The following MOV10L1 variants were observed in gnomAD, a reference collection of about 807,000 sequenced individuals.
MOV10L1 encodes the protein Mov10 like RNA helicase 1.
In MOV10L1, 110 loss-of-function variants were observed where a neutral mutation model predicts 143.8. The ratio of observed to expected loss-of-function variants is 0.76; its 90% confidence interval spans 0.66 to 0.90. The LOEUF is 0.90. Among genes scored for constraint, MOV10L1 ranks in the 40% least tolerant of loss-of-function variants. The pLI, the probability that MOV10L1 is intolerant of heterozygous loss-of-function variation, is 0.00. For missense variants in MOV10L1, 1,406 were observed against 1,526.8 expected (o/e 0.92, Z 1.32); for synonymous variants, 593 against 581.1 (o/e 1.02, Z -0.29).
At chr22:50,102,660 G>C (rs893558656) in intron 3 of MOV10L1, among the ~76,000 whole-genome samples, 5 of 152,184 alleles carry the variant, frequency 3.3e-5, no homozygotes, top group African/African-American at 1.2e-4. Flanking sequence ...CCAGCACTTT[G>C]GGAGGCTGAG....
intron 19 of MOV10L1, among the ~76,000 whole-genome samples, chr22:50,146,457 A>G (rs1240846958): frequency 6.6e-6 from 1 of 151,554 alleles, no homozygotes; most frequent in East Asian, 1.9e-4. Flanking sequence ...GCACTCTCAG[A>G]CCCCAGTGCA....
intron 22 of MOV10L1, among the ~76,000 whole-genome samples, chr22:50,157,761 C>CA (rs35212822): frequency 0.023 from 2,804 of 120,242 alleles, 105 homozygotes; most frequent in African/African-American, 0.085. Flanking sequence ...GGTCTAATAT[C>CA]AAAAAAAAAA....
intron 3 of MOV10L1, among the ~76,000 whole-genome samples, chr22:50,102,882 C>T (rs1324379480): frequency 2.6e-5 from 4 of 151,768 alleles, no homozygotes; most frequent in Non-Finnish European, 5.9e-5. Flanking sequence ...GCCTGGGCGA[C>T]AGAGCAAAAC....
intron 3 of MOV10L1, among the ~76,000 whole-genome samples, chr22:50,100,194 G>C (rs1402516933): frequency 1.3e-5 from 2 of 151,972 alleles, no homozygotes; most frequent in East Asian, 1.9e-4. Flanking sequence ...GGTTTCATCA[G>C]GTTGGCCGGG....
intron 17 of MOV10L1, 142 bp from the exon 18 acceptor site, chr22:50,143,955 A>G: frequency 9.3e-7 from 1 of 1,073,198 alleles, no homozygotes; most frequent in Non-Finnish European, 1.4e-6. Flanking sequence ...GTCGTGGCCC[A>G]GGTCTCAGTG....
intron 15 of MOV10L1, among the ~76,000 whole-genome samples, chr22:50,141,152 G>A (rs1304285432): frequency 6.6e-6 from 1 of 151,978 alleles, no homozygotes; most frequent in East Asian, 1.9e-4. Context: ...CCGGGTTCAA[G>A]CTATTCTCCT....
At chr22:50,139,425 TAGAC>T (rs1460927241) in intron 15 of MOV10L1, among the ~76,000 whole-genome samples, 1 of 151,888 alleles carries the variant, frequency 6.6e-6, no homozygotes, top group East Asian at 1.9e-4. Context: ...AAGACATTGT[TAGAC>T]AGTAAGGTAC....
In MOV10L1 at chr22:50,114,381, G is replaced by A; in HGVS notation, c.885G>A (p.Glu295=). ...GRSKTMVIWI[E]NKGDIPQNLV... Reference sequence around the variant, plus strand: ...TTCATAGTTAATTGTATTTTTCCAGGAATAAAGGAGACATTCCTCAAAACT... The same window carrying A: ...TTCATAGTTAATTGTATTTTTCCAGAAATAAAGGAGACATTCCTCAAAACT... Residue 295 remains glutamate, a splice_region_variant and synonymous_variant, in exon 7 of 27, where the codon GAG becomes GAA. Transcript: ENST00000262794. 6.2e-7 allele frequency: 1 copy of A among 1,613,116 alleles called. No individual in the cohort carries two copies. The highest frequency in any genetic ancestry group is 8.5e-7 in the Non-Finnish European group (1 of 1,179,492).
chr22:50,126,143 A>G (rs1013917934), intron 11 of MOV10L1, 59 bp from the exon 12 acceptor site: 28 of 1,244,536 alleles, frequency 2.2e-5, no homozygotes, highest in Non-Finnish European at 3.3e-5. Flanking sequence ...TTTATAGGAC[A>G]GCACAGAAAT....
chr22:50,112,085 T>G (rs1468466172), intron 5 of MOV10L1, among the ~76,000 whole-genome samples: 1 of 152,144 alleles, frequency 6.6e-6, no homozygotes, highest in Non-Finnish European at 1.5e-5. Context: ...GGACAGGGCC[T>G]GGTGGGCTCA....
intron 19 of MOV10L1, among the ~76,000 whole-genome samples, chr22:50,146,246 C>T (rs909368815): frequency 3.3e-5 from 5 of 151,798 alleles, no homozygotes; most frequent in African/African-American, 9.7e-5. Flanking sequence ...TTGGAGTGGG[C>T]GTGGGGAGGC....
At position 50,128,387 on chromosome 22, in the gene MOV10L1, A is replaced by T. The variant is rs2062573633; in HGVS notation, c.1819-29A>T. The T allele has an allele frequency of 1.0e-5, 12 of 1,176,122 alleles. No individual in the cohort carries two copies. The East Asian group carries it at 2.6e-4, about 25-fold the overall frequency. 72.9% of individuals were successfully genotyped at this position (1,176,122 alleles called of 1,614,324 possible). ...TAAAGATATCACATTATTTCAAGAA[A>T]TCAGGTATATTGTTTGTTCCTTTTT... On this transcript the variant is annotated intron_variant, in intron 12 of 26. Transcript: ENST00000262794.
intron 3 of MOV10L1, among the ~76,000 whole-genome samples, chr22:50,102,039 G>A (rs940829433): frequency 1.3e-5 from 2 of 152,214 alleles, no homozygotes; most frequent in African/African-American, 4.8e-5. Context: ...TGTTGATGGG[G>A]CAGAGAAGAG....
chr22:50,092,133 T>C lies in MOV10L1; in HGVS notation c.230T>C (p.Val77Ala). The C allele has an allele frequency of 6.2e-7, 1 of 1,614,176 alleles. No homozygotes were observed. The highest frequency in any genetic ancestry group is 8.5e-7 in the Non-Finnish European group (1 of 1,180,016). The stretch of plus-strand genomic sequence containing the variant: ...GTGCTTCTGAATGTTGGACAGGAAG[T>C]GATTGCAGTTGTGGAAGAAAATAAA... ...SRVLLNVGQE[V>A]IAVVEENKVS... is the part of the protein sequence containing the mutation. Residue 77 changes from valine to alanine, a missense_variant, in exon 2 of 27, where the codon GTG becomes GCG. By Grantham distance (64) the Val-to-Ala change is moderately conservative. This residue lies in a region of MOV10L1 where 166 missense variants were observed against 153.9 expected (regional missense o/e 1.08). Transcript: ENST00000262794.
intron 18 of MOV10L1, 120 bp from the exon 19 acceptor site, chr22:50,145,569 A>G (rs1360459758): frequency 6.8e-6 from 9 of 1,331,306 alleles, no homozygotes; most frequent in African/African-American, 2.9e-5. Context: ...ATATTTTGAG[A>G]AAAAAACCTT....
In MOV10L1 at chr22:50,152,983, G is replaced by T. The variant is rs1362231314; in HGVS notation, c.2893-62G>T. 3 of 1,507,640 alleles carry T rather than the reference G, an allele frequency of 2.0e-6. No homozygotes were observed. The highest frequency in any genetic ancestry group is 1.8e-6 in the Non-Finnish European group (2 of 1,112,384). The allele number at this position is 1,507,640 out of a possible 1,614,324, so 93.4% of individuals were successfully genotyped here. A position where few individuals can be genotyped will look rare whatever the true frequency, so the allele number is the denominator to read the frequency against. ...CGTTTGCTGTGCAGAGCCGCTTTTCGTTCGACAGAAACTGTGCCGGGTACC... is the reference window on the plus strand; with the variant it reads ...CGTTTGCTGTGCAGAGCCGCTTTTCTTTCGACAGAAACTGTGCCGGGTACC... On this transcript the variant is annotated intron_variant, in intron 21 of 26. Coordinates refer to ENST00000262794, the MANE Select transcript of MOV10L1 (RefSeq NM_018995.3). This position sits in a 1 kb window ranked among gnomAD's most constrained non-coding sequence, Gnocchi z 4.4.
chr22:50,111,159 A>T (rs1328948695), intron 5 of MOV10L1, among the ~76,000 whole-genome samples: 2 of 152,282 alleles, frequency 1.3e-5, no homozygotes, highest in Middle Eastern at 6.8e-3. Context: ...AGGACCACAA[A>T]TCCACAGGAA....
Position 50,126,243 on chromosome 22 carries a change from G to A in MOV10L1, c.1789G>A (p.Ala597Thr). The A allele has an allele frequency of 1.2e-6, 2 of 1,612,488 alleles. No homozygotes were observed. Among genetic ancestry groups the A allele is most frequent in the South Asian group, 1.1e-5 (1 of 91,030 alleles). ...ILKTQEYNGH[A>T]IEYISYVTEI... ...AAAAACTCAAGAGTACAATGGACAT[G>A]CCATCGAATACATCAGCTACGTGAC... Residue 597 changes from alanine (A) to threonine (T), a missense_variant, in exon 12 of 27, where the codon GCC becomes ACC. By Grantham distance (58) the Ala-to-Thr change is moderately conservative. Coordinates refer to ENST00000262794, the MANE Select transcript of MOV10L1 (RefSeq NM_018995.3).
intron 4 of MOV10L1, 97 bp from the exon 5 acceptor site, chr22:50,108,560 A>G: frequency 7.4e-7 from 1 of 1,348,234 alleles, no homozygotes; most frequent in Non-Finnish European, 1.0e-6. Context: ...TTCCTGGTGC[A>G]GCTTGTGTGC....
Sources: gnomAD v4.1 joint callset for allele counts (sites outside exome capture counted in the v4.1 genomes callset) on GRCh38, gnomAD v4.1.1 for gene constraint, gnomAD v4.1.1 regional missense constraint, Gnocchi (gnomAD v3.1) non-coding constraint, MANE v1.5 for transcripts, NCBI Gene and HGNC (gene_info 2026-07-23, HGNC 2026-07-21) for gene names.